Variants in SDCCAG8 observed in about 807,000 individuals in gnomAD.
The protein encoded by SDCCAG8 is serologically defined colon cancer antigen 8.
In SDCCAG8, 74 loss-of-function variants were observed where a neutral mutation model predicts 101.8. The observed-to-expected ratio is 0.73, with a 90% confidence interval of 0.60 to 0.88. The LOEUF (loss-of-function observed/expected upper bound fraction) is 0.88. SDCCAG8 is among the 40% of genes least tolerant of loss of function. The pLI, the probability that SDCCAG8 is intolerant of heterozygous loss-of-function variation, is 0.00. For missense variants in SDCCAG8, 787 were observed against 822.6 expected (o/e 0.96, Z 0.53); for synonymous variants, 281 against 292.9 (o/e 0.96, Z 0.41).
chr1:243,402,423 A>G (rs2079467179), intron 13 of SDCCAG8, among the ~76,000 whole-genome samples: 2 of 150,206 alleles, frequency 1.3e-5, no homozygotes, highest in South Asian at 2.1e-4. Context: ...AAAAAAAAAA[A>G]GCAAAAGGAA....
intron 10 of SDCCAG8, chr1:243,338,977 G>T (rs2075207920): frequency 7.2e-6 from 1 of 139,074 alleles, no homozygotes; most frequent in South Asian, 2.3e-4. Context: ...ACAACAGGAG[G>T]GGAGACCTCA....
rs759278534 is a variant in SDCCAG8, at chr1:243,304,758, T to C, written c.721T>C (p.Ser241Pro). The change falls in exon 7 of 18, where the codon TCC becomes CCC. Residue 241 changes from serine to proline, a missense_variant. By Grantham distance (74) the Ser-to-Pro change is moderately conservative. Coordinates refer to ENST00000366541, the MANE Select transcript of SDCCAG8 (RefSeq NM_006642.5). ...TGAGGAAAAGTGTGAAATTGAGGAA[T>C]CCCAATTGAAGTTTTTGAGGTAAAG... ...TYEEKCEIEE[S>P]QLKFLRNDLA... is the part of the protein sequence containing the mutation. 1.3e-6 allele frequency: 2 copies of C among 1,592,494 alleles called. No individual in the cohort carries two copies. Among genetic ancestry groups the C allele is most frequent in the African/African-American group, 2.7e-5 (2 of 74,564 alleles).
intron 13 of SDCCAG8, among the ~76,000 whole-genome samples, chr1:243,389,308 G>C (rs1382445244): frequency 2.0e-5 from 3 of 152,098 alleles, no homozygotes; most frequent in Non-Finnish European, 1.5e-5. Flanking sequence ...AGTCCAAAGA[G>C]GCATCATCAG....
chr1:243,472,067 T>C (rs530502102), intron 16 of SDCCAG8, among the ~76,000 whole-genome samples: 32 of 152,306 alleles, frequency 2.1e-4, no homozygotes, highest in Admixed American at 4.6e-4. Context: ...TTTCTTCTCA[T>C]AGGAAGGCTC....
At chr1:243,292,839 T>C (rs2070407953) in intron 5 of SDCCAG8, among the ~76,000 whole-genome samples, 1 of 152,198 alleles carries the variant, frequency 6.6e-6, no homozygotes, top group African/African-American at 2.4e-5. Context: ...TAATTCCATT[T>C]GTTGAATGCG....
intron 4 of SDCCAG8, among the ~76,000 whole-genome samples, chr1:243,279,872 T>C (rs1572931636): frequency 6.6e-6 from 1 of 152,348 alleles, no homozygotes; most frequent in South Asian, 2.1e-4. Context: ...TCCACTCTTG[T>C]AATGTTTTCA....
intron 8 of SDCCAG8, among the ~76,000 whole-genome samples, chr1:243,312,719 A>T (rs903819285): frequency 4.0e-5 from 6 of 151,808 alleles, no homozygotes; most frequent in Admixed American, 6.6e-5. Flanking sequence ...AAAAAAAAAA[A>T]AAAAAATAAT....
intron 12 of SDCCAG8, among the ~76,000 whole-genome samples, chr1:243,377,747 G>GT: frequency 6.6e-6 from 1 of 150,944 alleles, no homozygotes; most frequent in Admixed American, 6.6e-5. Context: ...ACATGATTTT[G>GT]TTTTCCAAAA....
chr1:243,289,175 G>C (rs1032040709), intron 5 of SDCCAG8, among the ~76,000 whole-genome samples: 2 of 152,106 alleles, frequency 1.3e-5, no homozygotes, highest in Non-Finnish European at 2.9e-5. Context: ...TGCAAGCTGA[G>C]GAGCAAGGAA....
chr1:243,458,471 G>T lies in SDCCAG8; in HGVS notation c.1986-30543G>T, dbSNP rs1658294427. Among the ~76,000 whole-genome samples the T allele has an allele frequency of 6.6e-6, 1 of 152,050 alleles. No individual in the cohort carries two copies. The highest frequency in any genetic ancestry group is 2.1e-4 in the South Asian group (1 of 4,822). ...TGTAGTAGCAGCAGCTAACTTTAGA[G>T]CGTGCTTGCTATGTACCAGCTCCTC... On this transcript the variant is annotated intron_variant, in intron 16 of 17. Transcript: ENST00000366541. This position sits in a 1 kb window ranked among gnomAD's most constrained non-coding sequence, Gnocchi z 4.5.
rs748909525 is a variant in SDCCAG8 at position 243,489,083 on chromosome 1, C to T, written c.2055C>T (p.Asn685=). 1.4e-5 allele frequency: 22 copies of T among 1,613,258 alleles called. No homozygotes were observed. The Admixed American group carries it at 3.3e-4, about 24-fold the overall frequency. The change falls in exon 17 of 18, where the codon AAC becomes AAT. Residue 685 remains asparagine, a synonymous_variant. Transcript: ENST00000366541. ...QQLVQLLSKQ[N]QLLLERQSLS... ...TGGTGCAGCTCCTCAGCAAGCAGAACCAGCTTCTCCTGGAGAGGCAGAGCC... is the reference window on the plus strand; with the variant it reads ...TGGTGCAGCTCCTCAGCAAGCAGAATCAGCTTCTCCTGGAGAGGCAGAGCC...
chr1:243,397,296 C>T (rs753520380), intron 13 of SDCCAG8, among the ~76,000 whole-genome samples: 3 of 152,128 alleles, frequency 2.0e-5, no homozygotes, highest in Non-Finnish European at 4.4e-5. Flanking sequence ...TTGGAAGTTG[C>T]GATTGAAATA....
intron 17 of SDCCAG8, among the ~76,000 whole-genome samples, chr1:243,494,538 G>T (rs1371426972): frequency 6.6e-6 from 1 of 152,146 alleles, no homozygotes; most frequent in Non-Finnish European, 1.5e-5. Flanking sequence ...ACCTCCAACA[G>T]CAGACAGTTA....
At chr1:243,438,516 TTGTG>T (rs147959124) in intron 16 of SDCCAG8, among the ~76,000 whole-genome samples, 3,029 of 146,458 alleles carry the variant, frequency 0.021, 26 homozygotes, top group Non-Finnish European at 0.025. Context: ...GTGGGAGTGA[TTGTG>T]TGTGTGTGTG....
intron 13 of SDCCAG8, among the ~76,000 whole-genome samples, chr1:243,391,063 A>G (rs2078669140): frequency 6.6e-6 from 1 of 152,166 alleles, no homozygotes; most frequent in South Asian, 2.1e-4. Context: ...CCTTTCAAGT[A>G]GCTGGGATGA....
At chr1:243,322,604 C>G (rs1316519687) in intron 9 of SDCCAG8, among the ~76,000 whole-genome samples, 3 of 152,130 alleles carry the variant, frequency 2.0e-5, no homozygotes, top group Non-Finnish European at 2.9e-5. Context: ...ACTGTTAAAT[C>G]CGTAGCATCT....
At chr1:243,465,514 G>C (rs1380026950) in intron 16 of SDCCAG8, among the ~76,000 whole-genome samples, 2 of 152,208 alleles carry the variant, frequency 1.3e-5, no homozygotes, top group Admixed American at 6.5e-5. Context: ...CTGAAACTTA[G>C]TACTCATTCA....
intron 16 of SDCCAG8, among the ~76,000 whole-genome samples, chr1:243,480,844 T>A (rs1574304320): frequency 1.4e-5 from 1 of 70,500 alleles, no homozygotes; most frequent in African/African-American, 5.9e-5. Context: ...GATGGATGGG[T>A]GGGGTGGATG....
At chr1:243,272,261 C>G (rs1165295322) in intron 3 of SDCCAG8, among the ~76,000 whole-genome samples, 1 of 152,218 alleles carries the variant, frequency 6.6e-6, no homozygotes, top group Non-Finnish European at 1.5e-5. Context: ...AATACAATGC[C>G]TGTATGCTGA....
Sources: allele counts gnomAD v4.1 joint callset (sites outside exome capture counted in the v4.1 genomes callset), GRCh38; gene constraint gnomAD v4.1.1; non-coding constraint Gnocchi (gnomAD v3.1); transcripts MANE v1.5; gene names NCBI Gene and HGNC (gene_info 2026-07-23, HGNC 2026-07-21).